AMZ2: variants seen among roughly 807,000 people sequenced by gnomAD.
AMZ2 encodes archaelysin family metallopeptidase 2.
In AMZ2, 26 loss-of-function variants were observed where a neutral mutation model predicts 36.7. The observed-to-expected ratio is 0.71, with a 90% CI of 0.52 to 0.98. The LOEUF (loss-of-function observed/expected upper bound fraction) is 0.98. Among genes scored for constraint, AMZ2 ranks in the 50% least tolerant of loss-of-function variants. AMZ2 has a pLI of 0.00. For synonymous variants in AMZ2, 144 were observed against 149.1 expected (o/e 0.97, Z 0.25); for missense variants, 394 against 430.5 (o/e 0.92, Z 0.75).
upstream of AMZ2, among the ~76,000 whole-genome samples, chr17:68,243,732 T>C (rs550521403): frequency 1.7e-4 from 26 of 152,322 alleles, 1 homozygote; most frequent in African/African-American, 6.3e-4. Flanking sequence ...TCTACCATCA[T>C]TGGACATTAT....
At chr17:68,206,968 T>C (rs34987411) in intron 1 of AMZ2, 18,971 of 152,496 alleles carry the variant, frequency 0.12, 1,334 homozygotes, top group Non-Finnish European at 0.15. Context: ...CGATTCAAAA[T>C]TGTTTTTGGT....
intron 1 of AMZ2, among the ~76,000 whole-genome samples, chr17:68,223,693 C>G (rs1555729122): frequency 6.6e-6 from 1 of 150,650 alleles, no homozygotes; most frequent in African/African-American, 2.5e-5. Flanking sequence ...GTGCCTGCCA[C>G]CATGCCTGGC....
intron 1 of AMZ2, among the ~76,000 whole-genome samples, chr17:68,230,851 T>C (rs1245051662): frequency 6.6e-6 from 1 of 152,150 alleles, no homozygotes; most frequent in Non-Finnish European, 1.5e-5. Flanking sequence ...GTGAAGTTTT[T>C]AGTTTATACA....
intron 1 of AMZ2, among the ~76,000 whole-genome samples, chr17:68,212,150 C>T (rs2073084437): frequency 6.6e-6 from 1 of 152,102 alleles, no homozygotes; most frequent in Admixed American, 6.5e-5. Flanking sequence ...GTGGGTGGAT[C>T]ACTTTAACCC....
chr17:68,216,417 G>A (rs12936320), intron 1 of AMZ2, among the ~76,000 whole-genome samples: 46,499 of 151,874 alleles, frequency 0.31, 7,227 homozygotes, highest in African/African-American at 0.35. Context: ...TACAGGCCTG[G>A]GTCACCATGC....
chr17:68,240,681 G>A (rs2073883988), intron 1 of AMZ2, among the ~76,000 whole-genome samples: 1 of 152,120 alleles, frequency 6.6e-6, no homozygotes, highest in South Asian at 2.1e-4. Flanking sequence ...TAACCCTTCA[G>A]AACTCTAAGG....
At chr17:68,218,142 G>T (rs1412182999) in intron 1 of AMZ2, among the ~76,000 whole-genome samples, 5 of 152,088 alleles carry the variant, frequency 3.3e-5, no homozygotes, top group Non-Finnish European at 5.9e-5. Flanking sequence ...TGAATTTATG[G>T]TCCACCTGAG....
In AMZ2 at chr17:68,220,297, C is replaced by G. The variant is rs111857390; in HGVS notation, c.-67+14059C>G. Among the ~76,000 whole-genome samples the G allele has an allele frequency of 8.1e-3, 1,199 of 148,282 alleles. 15 individuals are homozygous for G. Among genetic ancestry groups the G allele is most frequent in the African/African-American group, 0.029 (1,145 of 39,324 alleles). Reference sequence around the variant, plus strand: ...AACATTTAGAGGCAGAAGATCAGCCCTGCATTTGACCTGCAAAGACTATGC... The same window carrying G: ...AACATTTAGAGGCAGAAGATCAGCCGTGCATTTGACCTGCAAAGACTATGC... On this transcript the variant is annotated intron_variant, in intron 1 of 7. Transcript: ENST00000674770.
chr17:68,224,288 G>A (rs2073453864), intron 1 of AMZ2, among the ~76,000 whole-genome samples: 2 of 152,098 alleles, frequency 1.3e-5, no homozygotes, highest in Admixed American at 6.5e-5. Flanking sequence ...CTTTTATTTT[G>A]TAAGATTCTT....
upstream of AMZ2, chr17:68,246,523 G>C (rs1331218559): frequency 6.6e-6 from 1 of 152,198 alleles, no homozygotes; most frequent in Non-Finnish European, 1.5e-5. Context: ...TCGGGAGATA[G>C]GCGCCCAGTC....
At chr17:68,208,503 G>A (rs1303104474) in intron 1 of AMZ2, among the ~76,000 whole-genome samples, 11 of 152,134 alleles carry the variant, frequency 7.2e-5, no homozygotes, top group East Asian at 3.9e-4. Flanking sequence ...ACCAGTCAGC[G>A]CCCTGTCAAA....
intron 1 of AMZ2, among the ~76,000 whole-genome samples, chr17:68,207,890 C>T (rs1486958012): frequency 1.3e-5 from 2 of 151,128 alleles, no homozygotes; most frequent in African/African-American, 2.4e-5. Flanking sequence ...GGGCTGCGAG[C>T]GGTGCTTGCG....
At chr17:68,233,499 A>C (rs2073713654) in intron 1 of AMZ2, among the ~76,000 whole-genome samples, 1 of 144,384 alleles carries the variant, frequency 6.9e-6, no homozygotes, top group Non-Finnish European at 1.5e-5. Flanking sequence ...CAAGAGCGAA[A>C]CTATGTCTCA....
chr17:68,224,315 G>C (rs1261014348), intron 1 of AMZ2, among the ~76,000 whole-genome samples: 1 of 152,124 alleles, frequency 6.6e-6, no homozygotes, highest in Non-Finnish European at 1.5e-5. Context: ...ATGAGAGTAG[G>C]GTGCTTCTGT....
chr17:68,217,024 C>T (rs1265423662), intron 1 of AMZ2, among the ~76,000 whole-genome samples: 5 of 137,552 alleles, frequency 3.6e-5, no homozygotes, highest in African/African-American at 1.5e-4. Flanking sequence ...CAGAGCGAGA[C>T]TCCGTCTCAA....
At chr17:68,242,257 A>T (rs2144649933) in intron 1 of AMZ2, among the ~76,000 whole-genome samples, 2 of 152,234 alleles carry the variant, frequency 1.3e-5, no homozygotes, top group Middle Eastern at 6.8e-3. Context: ...CCTCAGGGTC[A>T]TTTGTATATT....
chr17:68,226,931 A>C (rs1261801942), intron 1 of AMZ2, among the ~76,000 whole-genome samples: 2 of 148,318 alleles, frequency 1.3e-5, no homozygotes, highest in Admixed American at 1.3e-4. Flanking sequence ...GCCCTGTGGC[A>C]CAGCAGGGTT....
chr17:68,210,654 A>T (rs1390006382), intron 1 of AMZ2, among the ~76,000 whole-genome samples: 1 of 152,188 alleles, frequency 6.6e-6, no homozygotes, highest in Admixed American at 6.5e-5. Context: ...ACACTTAAAA[A>T]TGGTTAGAGA....
chr17:68,241,004 A>C (rs1355587660), intron 1 of AMZ2, among the ~76,000 whole-genome samples: 1 of 152,230 alleles, frequency 6.6e-6, no homozygotes, highest in Non-Finnish European at 1.5e-5. Flanking sequence ...CAGCCAGGAA[A>C]GAGGAAGACA....
Sources: allele counts gnomAD v4.1 joint callset (sites outside exome capture counted in the v4.1 genomes callset), GRCh38; gene constraint gnomAD v4.1.1; transcripts MANE v1.5; gene names NCBI Gene and HGNC (gene_info 2026-07-23, HGNC 2026-07-21).